Variants in GRIP1 observed in about 807,000 individuals in gnomAD.
GRIP1 encodes the protein glutamate receptor-interacting protein 1.
GRIP1 carries 45 observed loss-of-function variants against 129.9 expected under a neutral mutation model. That is an observed-to-expected ratio of 0.35 (90% CI 0.27 to 0.44). GRIP1 has a LOEUF of 0.44. Ranked by LOEUF, GRIP1 falls within the 20% of genes least tolerant of loss-of-function variation. The probability of loss-of-function intolerance (pLI) is 1.00; values close to 1 mark genes in which losing one functional copy is unlikely to be tolerated. For synonymous variants in GRIP1, 530 were observed against 520.8 expected, an observed-to-expected ratio of 1.02 and a Z score of -0.24; for missense variants, 1,196 against 1,396.8, an observed-to-expected ratio of 0.86 and a Z score of 2.29.
intron 1 of GRIP1, among the ~76,000 whole-genome samples, chr12:66,983,648 T>A (rs973097959): frequency 2.6e-5 from 4 of 152,202 alleles, no homozygotes; most frequent in African/African-American, 7.2e-5. Flanking sequence ...CTGTGTTTTA[T>A]ACATATTTGA....
chr12:66,846,719 A>T (rs1194927353), intron 1 of GRIP1, among the ~76,000 whole-genome samples: 1 of 152,178 alleles, frequency 6.6e-6, no homozygotes, highest in African/African-American at 2.4e-5. Flanking sequence ...CCTCAATAAC[A>T]TTGTAGTTTT....
chr12:66,693,777 T>C (rs1565971639), intron 1 of GRIP1, among the ~76,000 whole-genome samples: 1 of 152,116 alleles, frequency 6.6e-6, no homozygotes, highest in East Asian at 1.9e-4. Context: ...CTTCATTAGA[T>C]CACTATTGTA....
chr12:66,565,752 C>A (rs560811794), intron 2 of GRIP1, among the ~76,000 whole-genome samples: 13 of 152,270 alleles, frequency 8.5e-5, no homozygotes, highest in Non-Finnish European at 1.9e-4. Context: ...TCTTCCTATC[C>A]ATGAGCATGG....
chr12:66,843,962 T>A (rs1054238144), intron 1 of GRIP1, among the ~76,000 whole-genome samples: 15 of 152,110 alleles, frequency 9.9e-5, no homozygotes, highest in Non-Finnish European at 1.6e-4. Flanking sequence ...ATTGACTACA[T>A]CTTAATTAAA....
intron 1 of GRIP1, among the ~76,000 whole-genome samples, chr12:66,636,219 A>G (rs1362839813): frequency 6.6e-6 from 1 of 152,124 alleles, no homozygotes; most frequent in African/African-American, 2.4e-5. Flanking sequence ...ATTCCTAGAG[A>G]CTGAAAGAGA....
In GRIP1 at chr12:66,577,048, C is replaced by A. The variant is rs147665545; in HGVS notation, c.136+19799G>T. On this transcript the variant is annotated intron_variant, in intron 2 of 24. Coordinates refer to ENST00000359742, the MANE Select transcript of GRIP1 (RefSeq NM_001366722.1). ...GTGGCAAAGTGTCTAGTTTTGGCTGCTCCATGCTAAAGACCATTGACAAAC... is the reference window on the plus strand; with the variant it reads ...GTGGCAAAGTGTCTAGTTTTGGCTGATCCATGCTAAAGACCATTGACAAAC... Among the ~76,000 whole-genome samples, 259 of 152,294 alleles carry A rather than the reference C, an allele frequency of 1.7e-3. 4 individuals are homozygous for A. Among genetic ancestry groups the A allele is most frequent in the Admixed American group, 0.013 (204 of 15,298 alleles).
intron 2 of GRIP1, among the ~76,000 whole-genome samples, chr12:66,543,607 C>T (rs1339835415): frequency 6.6e-6 from 1 of 152,104 alleles, no homozygotes; most frequent in Non-Finnish European, 1.5e-5. Context: ...ATATTGAAGA[C>T]ATCACCTTAA....
intron 1 of GRIP1, among the ~76,000 whole-genome samples, chr12:66,719,840 A>G (rs1179942558): frequency 6.6e-6 from 1 of 152,200 alleles, no homozygotes; most frequent in Non-Finnish European, 1.5e-5. Flanking sequence ...AAGGTTAAAG[A>G]GTGGAGGAAA....
intron 1 of GRIP1, among the ~76,000 whole-genome samples, chr12:66,835,043 C>A (rs994724264): frequency 4.6e-5 from 7 of 151,846 alleles, no homozygotes; most frequent in African/African-American, 1.7e-4. Flanking sequence ...AAAGGACAAG[C>A]CACAGACTGG....
At chr12:66,796,253 G>T (rs2038694394) in intron 1 of GRIP1, among the ~76,000 whole-genome samples, 1 of 151,884 alleles carries the variant, frequency 6.6e-6, no homozygotes, top group Non-Finnish European at 1.5e-5. Flanking sequence ...AAGACTTTAT[G>T]ATTAGGCCTG....
In GRIP1 at chr12:66,371,855, G is replaced by C; in HGVS notation, c.2851C>G (p.Gln951Glu). Reference protein sequence around the residue: ...APTPRSQLGRQASFQERSSSR... With the variant: ...APTPRSQLGREASFQERSSSR... The stretch of plus-strand genomic sequence containing the variant: ...CTGCTGCGCTCCTGGAAGCTGGCCT[G>C]TCGCCCCAGCTGACTGCGAGGTGTT... The change falls in exon 23 of 25, where the codon CAG becomes GAG. Residue 951 changes from glutamine to glutamate, a missense_variant. Around this residue, in one of 5 missense-constraint regions of GRIP1, gnomAD observed 427 missense variants for 463.3 expected, o/e 0.92. Transcript: ENST00000359742. 1 of 1,613,836 alleles carries C rather than the reference G, an allele frequency of 6.2e-7. No homozygotes were observed. The highest frequency in any genetic ancestry group is 8.5e-7 in the Non-Finnish European group (1 of 1,179,982).
At chr12:66,691,640 G>C (rs753192464) in intron 1 of GRIP1, among the ~76,000 whole-genome samples, 2 of 152,138 alleles carry the variant, frequency 1.3e-5, no homozygotes, top group African/African-American at 4.8e-5. Flanking sequence ...TCCCAGTGGT[G>C]AATGAAAGTG....
intron 1 of GRIP1, among the ~76,000 whole-genome samples, chr12:66,902,962 T>C (rs986240182): frequency 2.5e-4 from 38 of 152,220 alleles, no homozygotes; most frequent in African/African-American, 9.2e-4. Flanking sequence ...ATTCTGTTTT[T>C]CAGACCATGG....
chr12:66,998,599 C>A (rs1217165717), intron 1 of GRIP1, among the ~76,000 whole-genome samples: 1 of 152,066 alleles, frequency 6.6e-6, no homozygotes, highest in Admixed American at 6.6e-5. Context: ...GCCTCCCATA[C>A]ACACACTTGC....
At chr12:66,581,096 T>A (rs1239430888) in intron 2 of GRIP1, among the ~76,000 whole-genome samples, 34 of 152,258 alleles carry the variant, frequency 2.2e-4, no homozygotes, top group East Asian at 1.5e-3. Context: ...CAGGATTAAG[T>A]AACTCACTCA....
At chr12:66,622,450 A>G (rs2065315919) in intron 1 of GRIP1, among the ~76,000 whole-genome samples, 1 of 152,198 alleles carries the variant, frequency 6.6e-6, no homozygotes, top group Non-Finnish European at 1.5e-5. Context: ...ACACAAAAAA[A>G]GATAATTGAG....
At chr12:66,424,109 C>A (rs1057144044) in intron 14 of GRIP1, among the ~76,000 whole-genome samples, 3 of 152,162 alleles carry the variant, frequency 2.0e-5, no homozygotes, top group African/African-American at 7.2e-5. Context: ...GAGTCATTTA[C>A]AAGCTTGTTC....
Position 66,428,848 on chromosome 12 carries a change from G to A in GRIP1, c.1768+3700C>T, listed in dbSNP as rs74098324. Among the ~76,000 whole-genome samples, 1,260 of 152,286 alleles carry A rather than the reference G, an allele frequency of 8.3e-3. 16 individuals carry two copies. Among genetic ancestry groups the A allele is most frequent in the African/African-American group, 0.028 (1,147 of 41,564 alleles). On this transcript the variant is annotated intron_variant, in intron 14 of 24. Transcript: ENST00000359742. ...ATGTAAAAAGGACTTTACTGATAAT[G>A]GGATGTGACAGAGACAATCAGGATT...
chr12:66,438,487 G>A (rs965163616), intron 13 of GRIP1, among the ~76,000 whole-genome samples: 8 of 149,932 alleles, frequency 5.3e-5, no homozygotes, highest in Middle Eastern at 3.2e-3. Flanking sequence ...TTCGTTCACC[G>A]AGTATTTTTT....
Sources: allele counts gnomAD v4.1 joint callset (sites outside exome capture counted in the v4.1 genomes callset), GRCh38; gene constraint gnomAD v4.1.1; regional missense constraint gnomAD v4.1.1; transcripts MANE v1.5; gene names NCBI Gene and HGNC (gene_info 2026-07-23, HGNC 2026-07-21).